The following KBTBD6 variants were observed in gnomAD, a reference collection of about 807,000 sequenced individuals.
KBTBD6 encodes kelch repeat and BTB domain-containing protein 6.
A neutral mutation model predicts 34.4 loss-of-function variants in KBTBD6; 6 were observed. The ratio of observed to expected loss-of-function variants is 0.17; its 90% CI spans 0.10 to 0.34. KBTBD6 has a LOEUF of 0.34. KBTBD6 is among the 10% of genes least tolerant of loss of function. The pLI, the probability that KBTBD6 is intolerant of heterozygous loss-of-function variation, is 1.00. For synonymous variants in KBTBD6, 288 were observed against 327.2 expected (o/e 0.88, Z 1.29); for missense variants, 557 against 856.0 (o/e 0.65, Z 4.36).
Position 41,132,367 on chromosome 13 carries a change from G to C in KBTBD6, c.145C>G (p.Leu49Val). ...ELKDTAHSAA[L>V]LAQLKSFYDA... ...TAGAAGGACTTGAGCTGTGCCAGCA[G>C]GGCTGCAGAATGGGCCGTGTCCTTT... Residue 49 changes from leucine to valine, a missense_variant, in exon 1 of 1, where the codon CTG becomes GTG. Leu to Val is a conservative substitution (Grantham distance 32, BLOSUM62 1). Transcript: ENST00000379485. The C allele has an allele frequency of 6.2e-7, 1 of 1,614,250 alleles. No homozygotes were observed. Among genetic ancestry groups the C allele is most frequent in the African/African-American group, 1.3e-5 (1 of 75,068 alleles).
Position 41,131,373 on chromosome 13 carries a change from C to T in KBTBD6, c.1139G>A (p.Arg380Lys), listed in dbSNP as rs775824324. ...ACAGACAGCTAAAGTGGTGACAGTC[C>T]TAGTGTGAGCCAGACAGGTCAAAGG... ...PSPLTCLAHTRTVTTLAVCIS... is the reference protein window; with the variant it reads ...PSPLTCLAHTKTVTTLAVCIS... The change falls in exon 1 of 1, where the codon AGG becomes AAG. Residue 380 changes from arginine to lysine, a missense_variant. Coordinates refer to ENST00000379485, the MANE Select transcript of KBTBD6 (RefSeq NM_152903.5). The surrounding 1 kb of genome is among the most constrained non-coding windows in gnomAD (Gnocchi z 5.8). 2 of 1,614,126 alleles carry T rather than the reference C, an allele frequency of 1.2e-6. No homozygotes were observed. The highest frequency in any genetic ancestry group is 2.2e-5 in the South Asian group (2 of 91,084).
At position 41,132,180 on chromosome 13, in the gene KBTBD6, C is replaced by T. The variant is rs751934619; in HGVS notation, c.332G>A (p.Ser111Asn). The T allele has an allele frequency of 6.2e-6, 10 of 1,614,138 alleles. No homozygotes were observed. Among genetic ancestry groups the T allele is most frequent in the Non-Finnish European group, 7.6e-6 (9 of 1,180,046 alleles). ...GGCGTCCACATCGTGCATGGTCACG[C>T]TGGCCTGCTGGCTCTCGTACATGCC... ...TGGMYESQQASVTMHDVDAES... is the reference protein window; with the variant it reads ...TGGMYESQQANVTMHDVDAES... The change falls in exon 1 of 1, where the codon AGC becomes AAC. Residue 111 changes from serine to asparagine, a missense_variant. Physicochemically the swap from Ser to Asn is conservative, Grantham distance 46 (BLOSUM62 1). Coordinates refer to ENST00000379485, the MANE Select transcript of KBTBD6 (RefSeq NM_152903.5).
Position 41,130,786 on chromosome 13 carries a change from G to A in KBTBD6, c.1726C>T (p.Pro576Ser). The stretch of plus-strand genomic sequence containing the variant: ...GTCACCCGGTTCTTTTTCCACTGTG[G>A]GGTGCGAGAGGTGATGAGCAACAAT... ...QKLLLITSRT[P>S]QWKKNRVTVY... Residue 576 changes from proline to serine, a missense_variant, in exon 1 of 1, where the codon CCA (proline) becomes TCA (serine). Pro to Ser is a moderately conservative substitution (Grantham distance 74). This residue lies in a region of KBTBD6 where 309 missense variants were observed against 504.5 expected (regional missense o/e 0.61). Transcript: ENST00000379485. This position sits in a 1 kb window ranked among gnomAD's most constrained non-coding sequence, Gnocchi z 4.8. The A allele has an allele frequency of 6.2e-7, 1 of 1,614,126 alleles. No individual in the cohort carries two copies. The highest frequency in any genetic ancestry group is 8.5e-7 in the Non-Finnish European group (1 of 1,180,024).
rs748083333 is a variant in KBTBD6, at chr13:41,132,082, G to A, written c.430C>T (p.Leu144=). 6 of 1,614,108 alleles carry A rather than the reference G, an allele frequency of 3.7e-6. No homozygotes were observed. In the African/African-American group the frequency reaches 8.0e-5, roughly 22 times the overall value. The change falls in exon 1 of 1, where the codon CTG becomes TTG. Residue 144 remains leucine, a synonymous_variant. Transcript: ENST00000379485. The part of the protein sequence containing the change: ...VSLSEANVER[L]YAASDMLQLE... ...TGTAGCATGTCGGAGGCCGCGTACA[G>A]GCGCTCCACGTTGGCCTCACTGAGA...
In KBTBD6 at chr13:41,132,216, A is replaced by C. The variant is rs1399271774; in HGVS notation, c.296T>G (p.Met99Arg). Reference protein sequence around the residue: ...LAAACPYFKSMFTGGMYESQQ... With the variant: ...LAAACPYFKSRFTGGMYESQQ... ...GCTCTCGTACATGCCACCTGTGAAC[A>C]TGCTCTTGAAGTAGGGACATGCCGC... The change falls in exon 1 of 1, where the codon ATG becomes AGG. Residue 99 changes from methionine (M) to arginine (R), a missense_variant. Physicochemically the swap from Met to Arg is moderately conservative, Grantham distance 91. Around this residue, in one of 4 missense-constraint regions of KBTBD6, gnomAD observed 108 missense variants for 209.6 expected, o/e 0.52. Coordinates refer to ENST00000379485, the MANE Select transcript of KBTBD6 (RefSeq NM_152903.5). The C allele has an allele frequency of 1.2e-6, 2 of 1,614,172 alleles. No individual in the cohort carries two copies. Among genetic ancestry groups the C allele is most frequent in the Non-Finnish European group, 1.7e-6 (2 of 1,180,024 alleles).
Position 41,129,381 on chromosome 13 carries a change from T to C in KBTBD6, c.*1106A>G, listed in dbSNP as rs2030047232. The C allele has an allele frequency of 6.6e-6, 1 of 152,254 alleles. No individual in the cohort carries two copies. The highest frequency in any genetic ancestry group is 1.5e-5 in the Non-Finnish European group (1 of 68,042). 9.4% of individuals were successfully genotyped at this position (152,254 alleles called of 1,614,324 possible). On this transcript the variant is annotated 3_prime_UTR_variant, in exon 1 of 1. Transcript: ENST00000379485. ...GATTAAATGAAGCATGTATCAGGTT[T>C]AGATCAACAATACAAACCTACAAAG... is the stretch of plus-strand genomic sequence containing the variant.
chr13:41,130,887 G>A lies in KBTBD6; in HGVS notation c.1625C>T (p.Ala542Val). The A allele has an allele frequency of 6.2e-7, 1 of 1,614,070 alleles. No individual in the cohort carries two copies. The highest frequency in any genetic ancestry group is 8.5e-7 in the Non-Finnish European group (1 of 1,179,976). The change falls in exon 1 of 1, where the codon GCA becomes GTA. Residue 542 changes from alanine (A) to valine (V), a missense_variant. Physicochemically the swap from Ala to Val is moderately conservative, Grantham distance 64. Coordinates refer to ENST00000379485, the MANE Select transcript of KBTBD6 (RefSeq NM_152903.5). The surrounding 1 kb of genome is among the most constrained non-coding windows in gnomAD (Gnocchi z 4.8). ...AATATTATTCATTTGCCTCCATTCT[G>A]CCCTAACTGGGTTGTAGACCTTCAT... ...PVMKVYNPVR[A>V]EWRQMNNIPL...
At position 41,131,339 on chromosome 13, in the gene KBTBD6, A is replaced by T. The variant is rs771979034; in HGVS notation, c.1173T>A (p.Pro391=). 7 of 1,614,174 alleles carry T rather than the reference A, an allele frequency of 4.3e-6. No homozygotes were observed. The highest frequency in any genetic ancestry group is 3.3e-4 in the Middle Eastern group (2 of 6,062). Residue 391 remains proline, a synonymous_variant, in exon 1 of 1, where the codon CCT becomes CCA. Coordinates refer to ENST00000379485, the MANE Select transcript of KBTBD6 (RefSeq NM_152903.5). The surrounding 1 kb of genome is among the most constrained non-coding windows in gnomAD (Gnocchi z 5.8). ...TVTTLAVCIS[P]DHDIYLAAQP... Reference sequence around the variant, plus strand: ...GAGCAGCTAGATAGATGTCATGGTCAGGAGAGATACAGACAGCTAAAGTGG... The same window carrying T: ...GAGCAGCTAGATAGATGTCATGGTCTGGAGAGATACAGACAGCTAAAGTGG...
rs1417700999 is a variant in KBTBD6 at position 41,130,674 on chromosome 13, C to CA, written c.1837dup (p.Cys613LeufsTer12). 3.1e-6 allele frequency: 5 copies of CA among 1,613,992 alleles called. No homozygotes were observed. The highest frequency in any genetic ancestry group is 1.3e-5 in the African/African-American group (1 of 74,964). On this transcript the variant is annotated frameshift_variant, in exon 1 of 1. Coordinates refer to ENST00000379485, the MANE Select transcript of KBTBD6 (RefSeq NM_152903.5). LOFTEE classifies it high-confidence loss of function. The surrounding 1 kb of genome is among the most constrained non-coding windows in gnomAD (Gnocchi z 4.8). ...GGAAGGATAAACACGAGCAGAGAGG[C>CA]AAAAAAAGTTAGAATCAAACTGCAA...
Position 41,132,731 on chromosome 13 carries a change from G to A in KBTBD6, c.-220C>T, listed in dbSNP as rs2030135563. ...TCTCACTCCCGCGTCCTTTCTCCGC[G>A]TCTGCTCGCCTTCACAGGACCCGCT... On this transcript the variant is annotated 5_prime_UTR_variant, in exon 1 of 1. The change creates a new upstream start codon in the 5' untranslated region. Coordinates refer to ENST00000379485, the MANE Select transcript of KBTBD6 (RefSeq NM_152903.5). 1.6e-6 allele frequency: 1 copy of A among 611,878 alleles called. No individual in the cohort carries two copies. Among genetic ancestry groups the A allele is most frequent in the Admixed American group, 3.1e-5 (1 of 32,376 alleles). The allele number at this position is 611,878 out of a possible 1,614,324, so 37.9% of individuals were successfully genotyped here.
chr13:41,129,155 TTATA>T lies in KBTBD6; in HGVS notation c.*1328_*1331del, dbSNP rs946732824. The T allele has an allele frequency of 6.6e-6, 1 of 152,620 alleles. No homozygotes were observed. The highest frequency in any genetic ancestry group is 1.5e-5 in the Non-Finnish European group (1 of 68,042). The allele number at this position is 152,620 out of a possible 1,614,324, so 9.5% of individuals were successfully genotyped here. On this transcript the variant is annotated 3_prime_UTR_variant, in exon 1 of 1. Transcript: ENST00000379485. ...ATATCAACGAAATACTGTTTTTAGC[TTATA>T]TATATTTTCAAAATCAGTATTACCT...
At position 41,130,275 on chromosome 13, in the gene KBTBD6, G is replaced by C. The variant is rs1007679597; in HGVS notation, c.*212C>G. ...AAATAAATACTGGACCCTTAGCACA[G>C]AAAATTATTAAAAGGTTGATTTGAG... On this transcript the variant is annotated 3_prime_UTR_variant, in exon 1 of 1. Coordinates refer to ENST00000379485, the MANE Select transcript of KBTBD6 (RefSeq NM_152903.5). The surrounding 1 kb of genome is among the most constrained non-coding windows in gnomAD (Gnocchi z 4.8). 1.3e-4 allele frequency: 63 copies of C among 498,710 alleles called. No individual in the cohort carries two copies. Among genetic ancestry groups the C allele is most frequent in the Non-Finnish European group, 2.0e-4 (57 of 283,952 alleles). 30.9% of individuals were successfully genotyped at this position (498,710 alleles called of 1,614,324 possible).
Position 41,129,544 on chromosome 13 carries a change from A to G in KBTBD6, c.*943T>C, listed in dbSNP as rs1454826662. ...AACGAAACTTCTTTTCAAACAGTAG[A>G]ATCCTGGTTTGTTGTTTTTACTGTC... On this transcript the variant is annotated 3_prime_UTR_variant, in exon 1 of 1. Coordinates refer to ENST00000379485, the MANE Select transcript of KBTBD6 (RefSeq NM_152903.5). 1 of 152,150 alleles carries G rather than the reference A, an allele frequency of 6.6e-6. No individual in the cohort carries two copies. The highest frequency in any genetic ancestry group is 2.4e-5 in the African/African-American group (1 of 41,422). The allele number at this position is 152,150 out of a possible 1,614,324, so 9.4% of individuals were successfully genotyped here.
At position 41,130,430 on chromosome 13, in the gene KBTBD6, TAA is replaced by T. The variant is rs2030067842; in HGVS notation, c.*55_*56del. ...ATATTTAAGATATTTTCCAAAACAG[TAA>T]AAACAACTTAGTGTTTCAATCTAGT... On this transcript the variant is annotated 3_prime_UTR_variant, in exon 1 of 1. Coordinates refer to ENST00000379485, the MANE Select transcript of KBTBD6 (RefSeq NM_152903.5). This position sits in a 1 kb window ranked among gnomAD's most constrained non-coding sequence, Gnocchi z 4.8. 1 of 1,291,344 alleles carries T rather than the reference TAA, an allele frequency of 7.7e-7. No homozygotes were observed. The highest frequency in any genetic ancestry group is 1.5e-5 in the African/African-American group (1 of 67,250). 80.0% of individuals were successfully genotyped at this position (1,291,344 alleles called of 1,614,324 possible).
Position 41,127,695 on chromosome 13 carries a change from A to C in KBTBD6, c.*2792T>G, listed in dbSNP as rs1427918721. 3 of 152,194 alleles carry C rather than the reference A, an allele frequency of 2.0e-5. No homozygotes were observed. The highest frequency in any genetic ancestry group is 2.9e-5 in the Non-Finnish European group (2 of 68,036). The allele number at this position is 152,194 out of a possible 1,614,324, so 9.4% of individuals were successfully genotyped here. A position where few individuals can be genotyped will look rare whatever the true frequency, so the allele number is the denominator to read the frequency against. ...AAAATCCTTCCCACGATATATTACT[A>C]TTTAGTCTAAGCTTTAATTCAAAGG... On this transcript the variant is annotated 3_prime_UTR_variant, in exon 1 of 1. Transcript: ENST00000379485.
chr13:41,131,366 G>A lies in KBTBD6; in HGVS notation c.1146C>T (p.Val382=). Residue 382 remains valine, a synonymous_variant, in exon 1 of 1, where the codon GTC becomes GTT. Transcript: ENST00000379485. This position sits in a 1 kb window ranked among gnomAD's most constrained non-coding sequence, Gnocchi z 5.8. ...PLTCLAHTRT[V]TTLAVCISPD... is the part of the protein sequence containing the mutation. ...GAGAGATACAGACAGCTAAAGTGGTGACAGTCCTAGTGTGAGCCAGACAGG... is the reference window on the plus strand; with the variant it reads ...GAGAGATACAGACAGCTAAAGTGGTAACAGTCCTAGTGTGAGCCAGACAGG... The A allele has an allele frequency of 1.9e-6, 3 of 1,614,156 alleles. No individual in the cohort carries two copies. In the African/African-American group the frequency reaches 4.0e-5, roughly 22 times the overall value.
rs1441166837 is a variant in KBTBD6 at position 41,131,801 on chromosome 13, C to A, written c.711G>T (p.Gln237His). 2 of 1,614,272 alleles carry A rather than the reference C, an allele frequency of 1.2e-6. No homozygotes were observed. Among genetic ancestry groups the A allele is most frequent in the Non-Finnish European group, 1.7e-6 (2 of 1,180,058 alleles). Residue 237 changes from glutamine (Q) to histidine (H), a missense_variant, in exon 1 of 1, where the codon CAG (glutamine) becomes CAT (histidine). Gln to His is a conservative substitution (Grantham distance 24, BLOSUM62 0). This residue lies in a region of KBTBD6 where 100 missense variants were observed against 102.1 expected (regional missense o/e 0.98). Transcript: ENST00000379485. The surrounding 1 kb of genome is among the most constrained non-coding windows in gnomAD (Gnocchi z 5.8). ...ACTGCACTGCCACATGGCACACTGT[C>A]TGCTCACTCTCCACGTCCAGACTAT... ...RLDSLDVESEQTVCHVAVQWL... is the reference protein window; with the variant it reads ...RLDSLDVESEHTVCHVAVQWL...
At position 41,128,697 on chromosome 13, in the gene KBTBD6, T is replaced by A. The variant is rs1208267010; in HGVS notation, c.*1790A>T. 1 of 373,878 alleles carries A rather than the reference T, an allele frequency of 2.7e-6. No individual in the cohort carries two copies. Among genetic ancestry groups the A allele is most frequent in the African/African-American group, 2.1e-5 (1 of 48,194 alleles). 23.2% of individuals were successfully genotyped at this position (373,878 alleles called of 1,614,324 possible). A position where few individuals can be genotyped will look rare whatever the true frequency, so the allele number is the denominator to read the frequency against. ...AAGCTGGAGTGCTGAGACATGATCA[T>A]AGCTGCAGTGAGCTATGATTATAGC... is the stretch of plus-strand genomic sequence containing the variant. On this transcript the variant is annotated 3_prime_UTR_variant, in exon 1 of 1. Coordinates refer to ENST00000379485, the MANE Select transcript of KBTBD6 (RefSeq NM_152903.5).
chr13:41,132,572 C>T lies in KBTBD6; in HGVS notation c.-61G>A. 1.3e-6 allele frequency: 2 copies of T among 1,542,830 alleles called. No individual in the cohort carries two copies. The highest frequency in any genetic ancestry group is 1.2e-5 in the South Asian group (1 of 83,032). ...GCTGCAGGACCCGGCTCTGGCTCCT[C>T]CTCAACCTTCCCTCGCTGACGCTAA... On this transcript the variant is annotated 5_prime_UTR_variant, in exon 1 of 1. Transcript: ENST00000379485.
Sources: allele counts gnomAD v4.1 joint callset, GRCh38; gene constraint gnomAD v4.1.1; regional missense constraint gnomAD v4.1.1; non-coding constraint Gnocchi (gnomAD v3.1); transcripts MANE v1.5; gene names NCBI Gene and HGNC (gene_info 2026-07-23, HGNC 2026-07-21).